POMT1: variants seen among roughly 807,000 people sequenced by gnomAD.
The protein encoded by POMT1 is protein O-mannosyltransferase 1.
Under a neutral mutation model 101.6 loss-of-function variants are expected in POMT1, and 85 were observed. The observed-to-expected ratio is 0.84, with a 90% CI of 0.70 to 1.00. The LOEUF is 1.00. Ranked by LOEUF, POMT1 falls within the 50% of genes least tolerant of loss-of-function variation. The probability of loss-of-function intolerance (pLI) is 0.00; values close to 1 mark genes in which losing one functional copy is unlikely to be tolerated. For synonymous variants in POMT1, 371 were observed against 383.0 expected, an observed-to-expected ratio of 0.97 and a Z score of 0.37; for missense variants, 857 against 930.4, an observed-to-expected ratio of 0.92 and a Z score of 1.03.
Position 131,519,325 on chromosome 9 carries a change from C to G in POMT1, c.1487-64C>G. ...AGCCAGCTTTTTGCTGCACTGACAG[C>G]TTCTGCTCTGAGCTCTTGACCTTGT... On this transcript the variant is annotated intron_variant, in intron 15 of 19. Coordinates refer to ENST00000402686, the MANE Select transcript of POMT1 (RefSeq NM_001077365.2). This position sits in a 1 kb window ranked among gnomAD's most constrained non-coding sequence, Gnocchi z 4.3. The G allele has an allele frequency of 2.7e-6, 4 of 1,482,716 alleles. No homozygotes were observed. The highest frequency in any genetic ancestry group is 3.7e-6 in the Non-Finnish European group (4 of 1,087,336). The allele number at this position is 1,482,716 out of a possible 1,614,324, so 91.8% of individuals were successfully genotyped here.
At chr9:131,512,249 A>G (rs1947279629) in intron 11 of POMT1, 113 bp downstream of exon 11, 2 of 1,531,294 alleles carry the variant, frequency 1.3e-6, no homozygotes, top group Non-Finnish European at 1.8e-6. Context: ...GACTCTAGTC[A>G]CCGTCATGGC....
chr9:131,506,004 G>T (rs1945724895), intron 2 of POMT1, 110 bp from the exon 3 acceptor site: 3 of 1,440,042 alleles, frequency 2.1e-6, no homozygotes, highest in Non-Finnish European at 2.9e-6. Context: ...AGCCTTTGCT[G>T]ATCACTCACT....
Position 131,511,357 on chromosome 9 carries a change from T to C in POMT1, c.876T>C (p.Thr292=), listed in dbSNP as rs10901065. Residue 292 remains threonine (T), a synonymous_variant, in exon 10 of 20, where the codon ACT becomes ACC. Transcript: ENST00000402686. Reference sequence around the variant, plus strand: ...CTCAGGGAGGACTAGCTCGGATCACTCAGGGTCAGCCACTGGAGGTGGCCT... The same window carrying C: ...CTCAGGGAGGACTAGCTCGGATCACCCAGGGTCAGCCACTGGAGGTGGCCT... The part of the protein sequence containing the change: ...ASLEGGLARI[T]QGQPLEVAFG... The C allele has an allele frequency of 0.94, 1,516,508 of 1,613,692 alleles. 714,864 individuals are homozygous for C. Among genetic ancestry groups the C allele is most frequent in the South Asian group, 0.97 (88,398 of 91,078 alleles).
intron 13 of POMT1, chr9:131,517,009 T>A (rs17537644): frequency 6.6e-6 from 1 of 152,322 alleles, no homozygotes; most frequent in South Asian, 2.1e-4. Flanking sequence ...TACTGGACCA[T>A]GTTGCCATCT....
chr9:131,520,343 C>A, intron 17 of POMT1, 150 bp downstream of exon 17: 1 of 758,762 alleles, frequency 1.3e-6, no homozygotes, highest in Non-Finnish European at 2.3e-6. Context: ...TTTCTCTAAA[C>A]GCTTTGGCAA....
chr9:131,511,016 C>CATTAACAA, intron 9 of POMT1: 3 of 286,066 alleles, frequency 1.0e-5, no homozygotes, highest in South Asian at 9.9e-5. Context: ...TTGTTTGGCT[C>CATTAACAA]ACCCTAGTCT....
chr9:131,511,315 C>T, intron 9 of POMT1, 22 bp from the exon 10 acceptor site: 1 of 1,599,412 alleles, frequency 6.3e-7, no homozygotes. Context: ...TCTCACTCAT[C>T]AACCTTCTGC....
chr9:131,518,846 G>A lies in POMT1; in HGVS notation c.1375G>A (p.Ala459Thr), dbSNP rs996611323. Reference protein sequence around the residue: ...NTSAVLKLSGAHLPDWGYRQL... With the variant: ...NTSAVLKLSGTHLPDWGYRQL... ...CCTGCGGTGTCACCAGCTGAGCGGGGCTCACCTCCCTGACTGGGGGTATCG... is the reference window on the plus strand; with the variant it reads ...CCTGCGGTGTCACCAGCTGAGCGGGACTCACCTCCCTGACTGGGGGTATCG... Residue 459 changes from alanine to threonine, a missense_variant, in exon 15 of 20, where the codon GCT becomes ACT. Ala to Thr is a moderately conservative substitution (Grantham distance 58). Coordinates refer to ENST00000402686, the MANE Select transcript of POMT1 (RefSeq NM_001077365.2). 1.2e-6 allele frequency: 2 copies of A among 1,613,860 alleles called. No individual in the cohort carries two copies. Among genetic ancestry groups the A allele is most frequent in the South Asian group, 1.1e-5 (1 of 91,090 alleles).
intron 9 of POMT1, chr9:131,511,103 G>A (rs1209396311): frequency 3.8e-5 from 19 of 505,662 alleles, no homozygotes; most frequent in African/African-American, 9.6e-5. Context: ...AATAGGGTGC[G>A]CGTGGAAGGC....
intron 10 of POMT1, 120 bp from the exon 11 acceptor site, chr9:131,511,921 G>A: frequency 1.0e-6 from 1 of 962,148 alleles, no homozygotes; most frequent in Non-Finnish European, 1.6e-6. Context: ...ATGTTGCCCA[G>A]GCTGGTCTCA....
chr9:131,510,028 C>T lies in POMT1; in HGVS notation c.699+32C>T, dbSNP rs201225383. 39 of 1,614,044 alleles carry T rather than the reference C, an allele frequency of 2.4e-5. No individual in the cohort carries two copies. Among genetic ancestry groups the T allele is most frequent in the South Asian group, 6.6e-5 (6 of 91,088 alleles). ...GCTGATGTCCAGTGCTGCATGAGGC[C>T]GGCCTGTATGGGGCAGATGCAGATG... is the stretch of plus-strand genomic sequence containing the variant. On this transcript the variant is annotated intron_variant, in intron 8 of 19. Transcript: ENST00000402686.
intron 13 of POMT1, chr9:131,516,619 G>T (rs117507842): frequency 6.6e-6 from 1 of 152,626 alleles, no homozygotes; most frequent in African/African-American, 2.4e-5. Flanking sequence ...GAACCGATGC[G>T]TCTTCCTTGG....
chr9:131,523,486 C>T lies in POMT1; in HGVS notation c.*380C>T, dbSNP rs529313345. On this transcript the variant is annotated 3_prime_UTR_variant, in exon 20 of 20. Transcript: ENST00000402686. ...AGGGTGGAGTTTGATCTGGCAGACC[C>T]GATCCTCCTTCATGAACACCCAGCA... 9.0e-5 allele frequency: 29 copies of T among 321,606 alleles called. No homozygotes were observed. Among genetic ancestry groups the T allele is most frequent in the Non-Finnish European group, 1.4e-4 (23 of 164,826 alleles). The allele number at this position is 321,606 out of a possible 1,614,324, so 19.9% of individuals were successfully genotyped here. A position where few individuals can be genotyped will look rare whatever the true frequency, so the allele number is the denominator to read the frequency against.
In POMT1 at chr9:131,511,418, A is replaced by C. The variant is rs886042835; in HGVS notation, c.937A>C (p.Lys313Gln). ...GGTCACTCTGAGGAACGTCTTTGGGAAACCTGTGCCCTGCTGGCTTCATTC... is the reference window on the plus strand; with the variant it reads ...GGTCACTCTGAGGAACGTCTTTGGGCAACCTGTGCCCTGCTGGCTTCATTC... Reference protein sequence around the residue: ...SQVTLRNVFGKPVPCWLHSHQ... With the variant: ...SQVTLRNVFGQPVPCWLHSHQ... The change falls in exon 10 of 20, where the codon AAA becomes CAA. Residue 313 changes from lysine (K) to glutamine (Q), a missense_variant. Transcript: ENST00000402686. 2 of 1,614,142 alleles carry C rather than the reference A, an allele frequency of 1.2e-6. No individual in the cohort carries two copies. The highest frequency in any genetic ancestry group is 2.2e-5 in the South Asian group (2 of 91,080).
chr9:131,513,851 C>T (rs1947685769), intron 12 of POMT1, among the ~76,000 whole-genome samples: 1 of 152,158 alleles, frequency 6.6e-6, no homozygotes, highest in South Asian at 2.1e-4. Context: ...CTCTCCACCG[C>T]CTCCTTTTCC....
chr9:131,504,747 A>ATATATGTG (rs56692415), intron 2 of POMT1, among the ~76,000 whole-genome samples: 5 of 122,700 alleles, frequency 4.1e-5, no homozygotes, highest in East Asian at 2.3e-4. Context: ...TAACTGATTA[A>ATATATGTG]TGTGTGTATG....
rs748114656 is a variant in POMT1, at chr9:131,515,409, C to T, written c.1176-17C>T. 3.2e-5 allele frequency: 51 copies of T among 1,612,390 alleles called. No homozygotes were observed. Among genetic ancestry groups the T allele is most frequent in the Non-Finnish European group, 4.1e-5 (48 of 1,178,530 alleles). On this transcript the variant is annotated splice_polypyrimidine_tract_variant and intron_variant, in intron 12 of 19. Transcript: ENST00000402686. ...GAGTTCAAGGAATTTTCTGAAATCT[C>T]GGTCTTGGTTTTCCAGGCATGATGT...
rs1462200239 is a variant in POMT1, at chr9:131,523,179, T to C, written c.*73T>C. The C allele has an allele frequency of 6.5e-7, 1 of 1,549,518 alleles. No homozygotes were observed. The highest frequency in any genetic ancestry group is 8.7e-7 in the Non-Finnish European group (1 of 1,144,168). ...GAAGGGTCTTGGTCAATGTACGTAA[T>C]GAGCAGGGTGGGCCCCACGCTGGGA... On this transcript the variant is annotated 3_prime_UTR_variant, in exon 20 of 20. Coordinates refer to ENST00000402686, the MANE Select transcript of POMT1 (RefSeq NM_001077365.2).
rs377758565 is a variant in POMT1, at chr9:131,511,370, C to T, written c.889C>T (p.Leu297=). ...GLARITQGQP[L]EVAFGSQVTL... ...AGCTCGGATCACTCAGGGTCAGCCA[C>T]TGGAGGTGGCCTTTGGGTCCCAGGT... The change falls in exon 10 of 20, where the codon CTG becomes TTG. Residue 297 remains leucine (L), a synonymous_variant. Transcript: ENST00000402686. The T allele has an allele frequency of 8.1e-6, 13 of 1,613,914 alleles. No individual in the cohort carries two copies. Among genetic ancestry groups the T allele is most frequent in the Non-Finnish European group, 1.1e-5 (13 of 1,179,886 alleles).
Sources: gnomAD v4.1 joint callset for allele counts (sites outside exome capture counted in the v4.1 genomes callset) on GRCh38, gnomAD v4.1.1 for gene constraint, Gnocchi (gnomAD v3.1) non-coding constraint, MANE v1.5 for transcripts, NCBI Gene and HGNC (gene_info 2026-07-23, HGNC 2026-07-21) for gene names.